The following RAD51B variants were observed in gnomAD, a reference collection of about 807,000 sequenced individuals.
RAD51B encodes the protein RAD51 paralog B.
Under a neutral mutation model 42.2 loss-of-function variants are expected in RAD51B, and 38 were observed. The observed-to-expected ratio is 0.90, with a 90% CI of 0.70 to 1.18. The LOEUF (loss-of-function observed/expected upper bound fraction) is 1.18. RAD51B is among the 50% of genes most tolerant of loss of function. The pLI is 0.00. For synonymous variants in RAD51B, 154 were observed against 145.2 expected, an observed-to-expected ratio of 1.06 and a Z score of -0.43; for missense variants, 373 against 400.7, an observed-to-expected ratio of 0.93 and a Z score of 0.59.
chr14:68,461,679 CTTA>C (rs2085849813), intron 9 of RAD51B, among the ~76,000 whole-genome samples: 1 of 152,166 alleles, frequency 6.6e-6, no homozygotes, highest in Non-Finnish European at 1.5e-5. Flanking sequence ...TTTTGAGAGT[CTTA>C]TATTACAATG....
intron 7 of RAD51B, among the ~76,000 whole-genome samples, chr14:67,959,760 A>G (rs1032144162): frequency 6.6e-6 from 1 of 152,212 alleles, no homozygotes. Context: ...ATAATAAGAC[A>G]TTCTTTGTAA....
At chr14:68,124,053 C>A (rs2140644569) in intron 7 of RAD51B, among the ~76,000 whole-genome samples, 1 of 152,234 alleles carries the variant, frequency 6.6e-6, no homozygotes, top group East Asian at 1.9e-4. Flanking sequence ...TTTAAATCAT[C>A]TGGCAAATTG....
intron 11 of RAD51B, among the ~76,000 whole-genome samples, chr14:68,665,717 G>A (rs1350622125): frequency 6.6e-6 from 1 of 152,188 alleles, no homozygotes; most frequent in Non-Finnish European, 1.5e-5. Context: ...TTCCACGAAT[G>A]GCTAGATTAT....
At position 68,469,786 on chromosome 14, in the gene RAD51B, A is replaced by G. The variant is rs148011523; in HGVS notation, c.1036+1536A>G. Among the ~76,000 whole-genome samples, 565 of 152,336 alleles carry G rather than the reference A, an allele frequency of 3.7e-3. 1 individual carries two copies. The highest frequency in any genetic ancestry group is 0.013 in the African/African-American group (537 of 41,556). Reference sequence around the variant, plus strand: ...TTCAAGAAATTCTATGGAAGATTACAAGACAATTTCAGGAGGAAAAAAGTT... The same window carrying G: ...TTCAAGAAATTCTATGGAAGATTACGAGACAATTTCAGGAGGAAAAAAGTT... On this transcript the variant is annotated intron_variant, in intron 10 of 10. Transcript: ENST00000471583.
intron 10 of RAD51B, among the ~76,000 whole-genome samples, chr14:68,575,380 C>G (rs894571241): frequency 6.6e-6 from 1 of 152,180 alleles, no homozygotes; most frequent in Admixed American, 6.5e-5. Context: ...CCCTGCTCCC[C>G]CTGCCCCTCA....
intron 7 of RAD51B, among the ~76,000 whole-genome samples, chr14:68,213,797 A>G (rs1305669295): frequency 6.6e-6 from 1 of 152,154 alleles, no homozygotes; most frequent in Non-Finnish European, 1.5e-5. Context: ...ACATCCTAAG[A>G]GGAAAAACGG....
At chr14:67,914,815 G>T (rs2044096721) in intron 7 of RAD51B, among the ~76,000 whole-genome samples, 1 of 152,158 alleles carries the variant, frequency 6.6e-6, no homozygotes, top group African/African-American at 2.4e-5. Flanking sequence ...GTAAAATATG[G>T]AGTCACCAAT....
chr14:68,110,504 G>C (rs1300688332), intron 7 of RAD51B, among the ~76,000 whole-genome samples: 2 of 152,000 alleles, frequency 1.3e-5, no homozygotes, highest in African/African-American at 2.4e-5. Flanking sequence ...TCTCTTTTTA[G>C]ATCTTTGGGT....
chr14:68,071,540 C>T (rs751724909), intron 7 of RAD51B, among the ~76,000 whole-genome samples: 1 of 152,062 alleles, frequency 6.6e-6, no homozygotes, highest in Non-Finnish European at 1.5e-5. Flanking sequence ...TTTTAGTTCT[C>T]TTTATATGAT....
chr14:68,346,070 G>A (rs939800348), intron 8 of RAD51B, among the ~76,000 whole-genome samples: 2 of 152,154 alleles, frequency 1.3e-5, no homozygotes, highest in Non-Finnish European at 2.9e-5. Context: ...ATTTCAGAAA[G>A]ATCCTATATT....
At chr14:68,468,594 G>A (rs1232206120) in intron 10 of RAD51B, 1 of 365,650 alleles carries the variant, frequency 2.7e-6, no homozygotes, top group African/African-American at 2.1e-5. Context: ...TGACACCAGT[G>A]TGGAGGTGAG....
chr14:68,580,371 AGCT>A (rs143753416), intron 10 of RAD51B, among the ~76,000 whole-genome samples: 13,470 of 152,024 alleles, frequency 0.089, 746 homozygotes, highest in South Asian at 0.15. Flanking sequence ...ACCTTTGAGT[AGCT>A]GTGTGACCTT....
intron 4 of RAD51B, among the ~76,000 whole-genome samples, chr14:67,844,607 A>G (rs2041545799): frequency 6.8e-6 from 1 of 146,984 alleles, no homozygotes; most frequent in Non-Finnish European, 1.5e-5. Context: ...TCTTTTATAT[A>G]TATATTATAT....
At chr14:68,158,649 T>C (rs886492050) in intron 7 of RAD51B, among the ~76,000 whole-genome samples, 2 of 152,224 alleles carry the variant, frequency 1.3e-5, no homozygotes, top group Non-Finnish European at 2.9e-5. Flanking sequence ...GGGAAAACAG[T>C]TGTTTCAACC....
chr14:68,150,861 A>T (rs2078363791), intron 7 of RAD51B, among the ~76,000 whole-genome samples: 1 of 152,168 alleles, frequency 6.6e-6, no homozygotes, highest in African/African-American at 2.4e-5. Flanking sequence ...GATAGTCTTA[A>T]AGTAGTTGTC....
intron 10 of RAD51B, among the ~76,000 whole-genome samples, chr14:68,610,270 T>C (rs1891625360): frequency 6.6e-6 from 1 of 152,202 alleles, no homozygotes; most frequent in African/African-American, 2.4e-5. Context: ...CTGGTCAGCC[T>C]CCGGATGCCT....
chr14:68,032,716 A>G (rs1404519041), intron 7 of RAD51B, among the ~76,000 whole-genome samples: 1 of 152,188 alleles, frequency 6.6e-6, no homozygotes, highest in African/African-American at 2.4e-5. Flanking sequence ...ACTCCACACT[A>G]TAGATAGAGT....
chr14:68,024,248 G>A (rs1228255908), intron 7 of RAD51B, among the ~76,000 whole-genome samples: 1 of 152,130 alleles, frequency 6.6e-6, no homozygotes, highest in Non-Finnish European at 1.5e-5. Flanking sequence ...TAGCCATATA[G>A]TACAGTTTGA....
At chr14:68,077,604 C>T (rs2076853858) in intron 7 of RAD51B, among the ~76,000 whole-genome samples, 1 of 152,156 alleles carries the variant, frequency 6.6e-6, no homozygotes, top group South Asian at 2.1e-4. Context: ...AATCCGTTCT[C>T]CCCAAACAAA....
Sources: gnomAD v4.1 joint callset for allele counts (sites outside exome capture counted in the v4.1 genomes callset) on GRCh38, gnomAD v4.1.1 for gene constraint, MANE v1.5 for transcripts, NCBI Gene and HGNC (gene_info 2026-07-23, HGNC 2026-07-21) for gene names.